Variants in GPC3 observed in about 807,000 individuals in gnomAD.
GPC3 encodes glypican 3.
A neutral mutation model predicts 34.4 loss-of-function variants in GPC3; 3 were observed. The ratio of observed to expected loss-of-function variants is 0.09; its 90% CI spans 0.04 to 0.23. The LOEUF is 0.23. Ranked by LOEUF, GPC3 falls within the 10% of genes least tolerant of loss-of-function variation. GPC3 has a pLI of 1.00. For missense variants in GPC3, 351 were observed against 445.6 expected (o/e 0.79, Z 1.91); for synonymous variants, 177 against 174.0 (o/e 1.02, Z -0.13).
intron 6 of GPC3, among the ~76,000 whole-genome samples, chrX:133,618,555 G>C (rs925879732): frequency 4.5e-5 from 5 of 110,306 alleles, no homozygotes; most frequent in Non-Finnish European, 7.6e-5. Context: ...GGTTAAATTA[G>C]CCAGGTGTGG....
chrX:133,888,151 C>A (rs2076070111), intron 2 of GPC3, among the ~76,000 whole-genome samples: 1 of 110,403 alleles, frequency 9.1e-6, no homozygotes, highest in Non-Finnish European at 1.9e-5. Flanking sequence ...TCAACTCCCA[C>A]TTATTAGTGA....
At chrX:133,637,515 A>G (rs1207918087) in intron 6 of GPC3, among the ~76,000 whole-genome samples, 1 of 111,890 alleles carries the variant, frequency 8.9e-6, no homozygotes, top group Non-Finnish European at 1.9e-5. Context: ...ACTTGTGGGA[A>G]ATTAGACTCT....
At chrX:133,781,701 A>T (rs2072046105) in intron 2 of GPC3, among the ~76,000 whole-genome samples, 1 of 111,093 alleles carries the variant, frequency 9.0e-6, no homozygotes, top group Admixed American at 9.5e-5. Flanking sequence ...AAGTCAGGGA[A>T]CTGCACAAAG....
intron 2 of GPC3, among the ~76,000 whole-genome samples, chrX:133,823,166 A>C (rs1280720586): frequency 1.4e-5 from 1 of 70,145 alleles, no homozygotes; most frequent in Non-Finnish European, 2.8e-5. Flanking sequence ...AAAAAAAAAA[A>C]CTGGCTGGAA....
intron 6 of GPC3, among the ~76,000 whole-genome samples, chrX:133,600,118 T>C (rs991509065): frequency 8.9e-6 from 1 of 111,880 alleles, no homozygotes; most frequent in African/African-American, 3.3e-5. Flanking sequence ...TTTAATCTTA[T>C]ATATCTTTGA....
chrX:133,558,417 T>A (rs1485009288), intron 7 of GPC3, among the ~76,000 whole-genome samples: 1 of 110,368 alleles, frequency 9.1e-6, no homozygotes. Context: ...TCACCTACCT[T>A]CTTTATCTCA....
At chrX:133,921,846 C>T (rs750442428) in intron 2 of GPC3, among the ~76,000 whole-genome samples, 1 of 112,336 alleles carries the variant, frequency 8.9e-6, no homozygotes, top group Admixed American at 9.4e-5. Context: ...GATGTGTCTC[C>T]GCCATGTTAT....
At chrX:133,668,022 C>T (rs1188167683) in intron 5 of GPC3, among the ~76,000 whole-genome samples, 2 of 109,274 alleles carry the variant, frequency 1.8e-5, no homozygotes, top group Admixed American at 9.7e-5. Context: ...CTGCCTCAGC[C>T]TCCCGAGTAG....
intron 2 of GPC3, among the ~76,000 whole-genome samples, chrX:133,878,532 T>C (rs1439257697): frequency 8.9e-6 from 1 of 112,551 alleles, no homozygotes; most frequent in Non-Finnish European, 1.9e-5. Flanking sequence ...AAAAATGTGT[T>C]TCTGAAAAGA....
chrX:133,596,163 G>A (rs1251484936), intron 7 of GPC3, among the ~76,000 whole-genome samples: 1 of 111,645 alleles, frequency 9.0e-6, no homozygotes, highest in Non-Finnish European at 1.9e-5. Flanking sequence ...AAACTCCAAT[G>A]AGAAACAGAG....
chrX:133,729,643 C>T (rs762565194), intron 3 of GPC3, among the ~76,000 whole-genome samples: 6 of 111,641 alleles, frequency 5.4e-5, no homozygotes, highest in South Asian at 7.6e-4. Context: ...AGTATATAGA[C>T]GAAGCTGTGA....
At chrX:133,898,808 A>G (rs1310879913) in intron 2 of GPC3, among the ~76,000 whole-genome samples, 1 of 112,115 alleles carries the variant, frequency 8.9e-6, no homozygotes, top group East Asian at 2.8e-4. Context: ...CCAAAGGGCA[A>G]AAGACAATGT....
chrX:133,596,603 A>G lies in GPC3; in HGVS notation c.1414-4T>C. On this transcript the variant is annotated splice_polypyrimidine_tract_variant and splice_region_variant and intron_variant, in intron 6 of 7. Coordinates refer to ENST00000370818, the MANE Select transcript of GPC3 (RefSeq NM_004484.4). ...GCATAGACATGGTTCTCAGGAGCTGAAAGAAAACAACCAGGAATGCATCAG... is the reference window on the plus strand; with the variant it reads ...GCATAGACATGGTTCTCAGGAGCTGGAAGAAAACAACCAGGAATGCATCAG... The G allele has an allele frequency of 8.3e-7, 1 of 1,209,294 alleles. No homozygotes were observed. Among genetic ancestry groups the G allele is most frequent in the Non-Finnish European group, 1.1e-6 (1 of 893,202 alleles).
intron 2 of GPC3, among the ~76,000 whole-genome samples, chrX:133,757,500 GA>G (rs1479225641): frequency 1.8e-5 from 2 of 111,693 alleles, no homozygotes; most frequent in Non-Finnish European, 3.8e-5. Context: ...ATTTGATACT[GA>G]TGTTCCTGTA....
intron 3 of GPC3, among the ~76,000 whole-genome samples, chrX:133,744,284 G>A (rs1305410219): frequency 4.5e-5 from 5 of 111,674 alleles, no homozygotes; most frequent in Admixed American, 9.5e-5. Flanking sequence ...GCTAATATCC[G>A]GAATCTACAA....
chrX:133,774,272 C>T (rs2071952890), intron 2 of GPC3, among the ~76,000 whole-genome samples: 1 of 111,621 alleles, frequency 9.0e-6, no homozygotes, highest in South Asian at 3.8e-4. Context: ...GATTTGGAGG[C>T]TCAAAACTCA....
intron 1 of GPC3, among the ~76,000 whole-genome samples, chrX:133,976,670 C>T (rs911336693): frequency 1.8e-5 from 2 of 110,660 alleles, no homozygotes; most frequent in African/African-American, 6.6e-5. Context: ...GAAATCCCAG[C>T]ACTTTGGGAG....
chrX:133,927,052 T>C (rs1411934769), intron 2 of GPC3, among the ~76,000 whole-genome samples: 1 of 111,054 alleles, frequency 9.0e-6, no homozygotes, highest in Non-Finnish European at 1.9e-5. Flanking sequence ...GAGAGTGCAA[T>C]TCTGGCCTGT....
intron 3 of GPC3, among the ~76,000 whole-genome samples, chrX:133,717,592 A>G (rs756689835): frequency 2.4e-4 from 27 of 110,833 alleles, no homozygotes; most frequent in South Asian, 7.9e-4. Context: ...TTGCTCAATC[A>G]ATCACAACCC....
Sources: allele counts gnomAD v4.1 joint callset (sites outside exome capture counted in the v4.1 genomes callset), GRCh38; gene constraint gnomAD v4.1.1; transcripts MANE v1.5; gene names NCBI Gene and HGNC (gene_info 2026-07-23, HGNC 2026-07-21).